The following PARD3B variants were observed in gnomAD, a reference collection of about 807,000 sequenced individuals.
PARD3B encodes the protein par-3 family cell polarity regulator beta.
Under a neutral mutation model 130.2 loss-of-function variants are expected in PARD3B, and 103 were observed. The observed-to-expected ratio is 0.79, with a 90% CI of 0.67 to 0.93. PARD3B has a LOEUF of 0.93. Ranked by LOEUF, PARD3B falls within the 40% of genes least tolerant of loss-of-function variation. The pLI is 0.00. For synonymous variants in PARD3B, 583 were observed against 553.2 expected (o/e 1.05, Z -0.76); for missense variants, 1,609 against 1,499.2 (o/e 1.07, Z -1.21).
At chr2:204,832,363 A>AT (rs147321022) in intron 2 of PARD3B, among the ~76,000 whole-genome samples, 2,601 of 152,052 alleles carry the variant, frequency 0.017, 66 homozygotes, top group African/African-American at 0.057. Flanking sequence ...ATAGTAGTTG[A>AT]TTTTTTTTCT....
At chr2:205,420,552 T>C (rs549744698) in intron 19 of PARD3B, among the ~76,000 whole-genome samples, 17 of 152,244 alleles carry the variant, frequency 1.1e-4, no homozygotes, top group Non-Finnish European at 2.1e-4. Context: ...GCAGGTCTAC[T>C]CTGAAAAAGG....
At chr2:205,410,123 G>T (rs1027817818) in intron 19 of PARD3B, among the ~76,000 whole-genome samples, 1 of 152,046 alleles carries the variant, frequency 6.6e-6, no homozygotes, top group Non-Finnish European at 1.5e-5. Context: ...TTTTATTTTG[G>T]CATATTTGCA....
intron 4 of PARD3B, among the ~76,000 whole-genome samples, chr2:205,062,799 A>G (rs1473478629): frequency 6.6e-6 from 1 of 152,160 alleles, no homozygotes; most frequent in Non-Finnish European, 1.5e-5. Flanking sequence ...AAATAAACAA[A>G]TGTATTTTAA....
chr2:204,978,304 G>A (rs893780535), intron 3 of PARD3B, among the ~76,000 whole-genome samples: 1 of 152,140 alleles, frequency 6.6e-6, no homozygotes, highest in South Asian at 2.1e-4. Flanking sequence ...TTTAAAATTA[G>A]CCAACAGATA....
At chr2:205,150,117 G>A (rs1278490448) in intron 10 of PARD3B, among the ~76,000 whole-genome samples, 2 of 151,938 alleles carry the variant, frequency 1.3e-5, no homozygotes, top group African/African-American at 2.4e-5. Flanking sequence ...GGAATCTCAA[G>A]GACAGAGCCT....
chr2:205,474,909 T>C (rs1158611328), intron 20 of PARD3B, among the ~76,000 whole-genome samples: 4 of 152,166 alleles, frequency 2.6e-5, no homozygotes, highest in Non-Finnish European at 5.9e-5. Context: ...AGCATTTTTA[T>C]AGAAGCTCAC....
At chr2:205,327,591 A>T (rs1313178026) in intron 18 of PARD3B, among the ~76,000 whole-genome samples, 1 of 152,166 alleles carries the variant, frequency 6.6e-6, no homozygotes, top group Non-Finnish European at 1.5e-5. Context: ...AACTGGTAGG[A>T]TTTCACCCCA....
chr2:205,600,087 C>A (rs2054725000), intron 22 of PARD3B, among the ~76,000 whole-genome samples: 1 of 152,196 alleles, frequency 6.6e-6, no homozygotes, highest in Admixed American at 6.5e-5. Context: ...CACAACTTTT[C>A]CTGCCTGTCT....
In PARD3B at chr2:205,146,593, G is replaced by A. The variant is rs1249097816; in HGVS notation, c.1435-12129G>A. Among the ~76,000 whole-genome samples, 1 of 151,928 alleles carries A rather than the reference G, an allele frequency of 6.6e-6. No individual in the cohort carries two copies. The highest frequency in any genetic ancestry group is 1.5e-5 in the Non-Finnish European group (1 of 67,990). On this transcript the variant is annotated intron_variant, in intron 10 of 22. Transcript: ENST00000406610. The surrounding 1 kb of genome is among the most constrained non-coding windows in gnomAD (Gnocchi z 4.3). The stretch of plus-strand genomic sequence containing the variant: ...GTGAACCCGGGAGGCGGAGCTTGCA[G>A]TGAGCCGAGATAGCGCCACTGCACT...
chr2:204,855,325 G>T (rs188555927), intron 2 of PARD3B, among the ~76,000 whole-genome samples: 1 of 151,866 alleles, frequency 6.6e-6, no homozygotes, highest in African/African-American at 2.4e-5. Context: ...TGGGTGGATC[G>T]TGAGGTCAAG....
At chr2:205,391,939 C>G (rs913106008) in intron 18 of PARD3B, among the ~76,000 whole-genome samples, 2 of 152,074 alleles carry the variant, frequency 1.3e-5, no homozygotes, top group Non-Finnish European at 2.9e-5. Context: ...TCAGCAAAAG[C>G]AATATCCAGT....
chr2:204,918,705 A>G (rs868326406), intron 2 of PARD3B, among the ~76,000 whole-genome samples: 2 of 152,228 alleles, frequency 1.3e-5, no homozygotes, highest in Middle Eastern at 3.4e-3. Flanking sequence ...AGGTTATAGA[A>G]AAATAATAGT....
At chr2:205,236,550 A>G (rs2039070879) in intron 15 of PARD3B, among the ~76,000 whole-genome samples, 3 of 152,308 alleles carry the variant, frequency 2.0e-5, no homozygotes, top group African/African-American at 4.8e-5. Flanking sequence ...TTGGACTTCT[A>G]TCCTCCAGAA....
chr2:204,635,414 T>C (rs756395690), intron 1 of PARD3B, among the ~76,000 whole-genome samples: 7 of 152,232 alleles, frequency 4.6e-5, no homozygotes, highest in Non-Finnish European at 8.8e-5. Context: ...ATGTCTTGAA[T>C]TGATATTTCC....
At chr2:205,323,206 G>A (rs1248724499) in intron 18 of PARD3B, among the ~76,000 whole-genome samples, 1 of 151,976 alleles carries the variant, frequency 6.6e-6, no homozygotes, top group Non-Finnish European at 1.5e-5. Context: ...ACCGTGCCTG[G>A]CCTAACACCC....
chr2:204,703,130 G>T (rs1012678253), intron 2 of PARD3B, among the ~76,000 whole-genome samples: 1 of 152,012 alleles, frequency 6.6e-6, no homozygotes, highest in African/African-American at 2.4e-5. Flanking sequence ...GTAAACTAAG[G>T]CTCAGAGAAC....
At chr2:205,140,456 GAAA>G (rs5837955) in intron 10 of PARD3B, among the ~76,000 whole-genome samples, 10 of 88,766 alleles carry the variant, frequency 1.1e-4, no homozygotes, top group Non-Finnish European at 1.3e-4. Context: ...TCCAGAGAGT[GAAA>G]AAAAAAAAAA....
intron 1 of PARD3B, among the ~76,000 whole-genome samples, chr2:204,643,722 C>T (rs574010607): frequency 6.6e-6 from 1 of 151,978 alleles, no homozygotes; most frequent in Non-Finnish European, 1.5e-5. Flanking sequence ...TGCAGGGAAG[C>T]CAAAAGATTG....
At chr2:205,399,557 G>T (rs1263715510) in intron 18 of PARD3B, among the ~76,000 whole-genome samples, 1 of 152,022 alleles carries the variant, frequency 6.6e-6, no homozygotes, top group African/African-American at 2.4e-5. Flanking sequence ...GTTTCACTAT[G>T]TTGGCCAGGC....
Sources: gnomAD v4.1 joint callset for allele counts (sites outside exome capture counted in the v4.1 genomes callset) on GRCh38, gnomAD v4.1.1 for gene constraint, Gnocchi (gnomAD v3.1) non-coding constraint, MANE v1.5 for transcripts, NCBI Gene and HGNC (gene_info 2026-07-23, HGNC 2026-07-21) for gene names.